The following NDUFS4 variants were observed in gnomAD, a reference collection of about 807,000 sequenced individuals.
NDUFS4 encodes the protein NADH dehydrogenase [ubiquinone] iron-sulfur protein 4, mitochondrial.
Under a neutral mutation model 24.3 loss-of-function variants are expected in NDUFS4, and 28 were observed. The observed-to-expected ratio is 1.15, with a 90% confidence interval of 0.85 to 1.58. NDUFS4 has a LOEUF of 1.58. Ranked by LOEUF, NDUFS4 falls within the 40% of genes most tolerant of loss-of-function variation. The pLI is 0.00. For synonymous variants in NDUFS4, 93 were observed against 69.7 expected (o/e 1.34, Z -1.67); for missense variants, 223 against 207.9 (o/e 1.07, Z -0.45).
chr5:53,592,062 T>A (rs989378843), intron 1 of NDUFS4, among the ~76,000 whole-genome samples: 4 of 151,948 alleles, frequency 2.6e-5, no homozygotes, highest in Middle Eastern at 3.4e-3. Flanking sequence ...CCACAGCCTC[T>A]TGAGTAGCTG....
intron 3 of NDUFS4, among the ~76,000 whole-genome samples, chr5:53,654,306 G>A (rs561459248): frequency 1.3e-4 from 20 of 152,158 alleles, no homozygotes; most frequent in African/African-American, 4.8e-4. Flanking sequence ...AATTGGATAT[G>A]TATTTACTAT....
intron 3 of NDUFS4, among the ~76,000 whole-genome samples, chr5:53,652,422 A>C (rs940661932): frequency 3.4e-5 from 5 of 147,316 alleles, no homozygotes; most frequent in Non-Finnish European, 7.6e-5. Flanking sequence ...TTTGTGACAG[A>C]AATTTGAAAT....
intron 1 of NDUFS4, 104 bp downstream of exon 1, chr5:53,560,864 T>TG (rs1748815472): frequency 6.3e-7 from 1 of 1,577,708 alleles, no homozygotes; most frequent in Non-Finnish European, 8.6e-7. Context: ...AGGCGTCCTC[T>TG]GTTGACCCTT....
intron 2 of NDUFS4, among the ~76,000 whole-genome samples, chr5:53,633,598 T>C (rs2112492862): frequency 6.6e-6 from 1 of 152,318 alleles, no homozygotes; most frequent in Non-Finnish European, 1.5e-5. Context: ...TTTTGGGTCT[T>C]CATTTCCGTA....
chr5:53,583,091 A>T (rs1321172011), intron 1 of NDUFS4, among the ~76,000 whole-genome samples: 1 of 152,028 alleles, frequency 6.6e-6, no homozygotes, highest in East Asian at 1.9e-4. Flanking sequence ...GTTAGCCAGG[A>T]TGGTCTCGAT....
chr5:53,571,545 G>A (rs879433385), intron 1 of NDUFS4, among the ~76,000 whole-genome samples: 1 of 152,104 alleles, frequency 6.6e-6, no homozygotes. Flanking sequence ...TATATACCTC[G>A]GAGTAGAATT....
chr5:53,570,076 C>T (rs1171402095), intron 1 of NDUFS4, among the ~76,000 whole-genome samples: 1 of 152,144 alleles, frequency 6.6e-6, no homozygotes, highest in Non-Finnish European at 1.5e-5. Context: ...GTAACCACCA[C>T]CATAATCCTA....
chr5:53,566,770 A>G (rs1749040178), intron 1 of NDUFS4, among the ~76,000 whole-genome samples: 2 of 151,952 alleles, frequency 1.3e-5, no homozygotes, highest in Non-Finnish European at 2.9e-5. Flanking sequence ...GTTATCCTGT[A>G]TTCTTTAGGA....
At chr5:53,662,618 C>T (rs1752378549) in intron 4 of NDUFS4, among the ~76,000 whole-genome samples, 1 of 152,068 alleles carries the variant, frequency 6.6e-6, no homozygotes, top group Non-Finnish European at 1.5e-5. Context: ...GTGAATCCAT[C>T]TGGTCCTGGA....
intron 1 of NDUFS4, among the ~76,000 whole-genome samples, chr5:53,601,977 A>G (rs1207533955): frequency 6.6e-6 from 1 of 152,228 alleles, no homozygotes; most frequent in Admixed American, 6.5e-5. Flanking sequence ...TGTATGTATT[A>G]GAAAAAACAG....
intron 1 of NDUFS4, among the ~76,000 whole-genome samples, chr5:53,571,949 AAT>A (rs1239003867): frequency 6.6e-6 from 1 of 152,196 alleles, no homozygotes; most frequent in Non-Finnish European, 1.5e-5. Flanking sequence ...TATGGGAAAA[AAT>A]ATATCTCTCT....
intron 4 of NDUFS4, among the ~76,000 whole-genome samples, chr5:53,669,128 C>T (rs939256564): frequency 1.5e-4 from 23 of 151,954 alleles, no homozygotes; most frequent in African/African-American, 5.6e-4. Context: ...ACTACTTGGC[C>T]CTTTACAGAA....
intron 2 of NDUFS4, among the ~76,000 whole-genome samples, chr5:53,609,645 G>A (rs1750638260): frequency 6.6e-6 from 1 of 152,176 alleles, no homozygotes; most frequent in Non-Finnish European, 1.5e-5. Context: ...AGCTATGAAA[G>A]TCCTAGCTGG....
intron 4 of NDUFS4, among the ~76,000 whole-genome samples, chr5:53,665,621 G>A (rs1479847061): frequency 2.0e-5 from 3 of 152,178 alleles, no homozygotes; most frequent in South Asian, 2.1e-4. Context: ...AGGACCCTCC[G>A]AGCCAGGTGC....
intron 1 of NDUFS4, among the ~76,000 whole-genome samples, chr5:53,593,052 T>C (rs1431957119): frequency 6.6e-6 from 1 of 152,208 alleles, no homozygotes; most frequent in African/African-American, 2.4e-5. Context: ...TGGGTAATGC[T>C]GGTCCCATAG....
At chr5:53,573,932 T>C (rs1047096156) in intron 1 of NDUFS4, among the ~76,000 whole-genome samples, 1 of 152,188 alleles carries the variant, frequency 6.6e-6, no homozygotes, top group Non-Finnish European at 1.5e-5. Context: ...TATATAGAAG[T>C]GTGATTGATT....
chr5:53,562,507 A>ATCC (rs1185225232), intron 1 of NDUFS4, among the ~76,000 whole-genome samples: 1 of 152,214 alleles, frequency 6.6e-6, no homozygotes, highest in Non-Finnish European at 1.5e-5. Flanking sequence ...GTTACTACAT[A>ATCC]TCCAAACTTA....
intron 1 of NDUFS4, among the ~76,000 whole-genome samples, chr5:53,574,057 A>G (rs1427496125): frequency 6.6e-6 from 1 of 152,204 alleles, no homozygotes; most frequent in Non-Finnish European, 1.5e-5. Flanking sequence ...CAGTCCGTGA[A>G]TAGGGAAATT....
rs114233533 is a variant in NDUFS4 at position 53,574,012 on chromosome 5, G to A, written c.98+13252G>A. Among the ~76,000 whole-genome samples the A allele has an allele frequency of 3.2e-3, 493 of 152,240 alleles. 5 individuals are homozygous for A. Among genetic ancestry groups the A allele is most frequent in the African/African-American group, 0.011 (453 of 41,554 alleles). ...TTACATAAAGTTATATAAGTTTTTT[G>A]TAGATTCTTTGGGCTTTCTAAGAAA... On this transcript the variant is annotated intron_variant, in intron 1 of 4. Coordinates refer to ENST00000296684, the MANE Select transcript of NDUFS4 (RefSeq NM_002495.4).
Sources: allele counts gnomAD v4.1 joint callset (sites outside exome capture counted in the v4.1 genomes callset), GRCh38; gene constraint gnomAD v4.1.1; transcripts MANE v1.5; gene names NCBI Gene and HGNC (gene_info 2026-07-23, HGNC 2026-07-21).